ARID1B: variants seen among roughly 807,000 people sequenced by gnomAD.
ARID1B encodes AT-rich interaction domain 1B.
In ARID1B, 30 loss-of-function variants were observed where a neutral mutation model predicts 212.3. The ratio of observed to expected loss-of-function variants is 0.14; its 90% CI spans 0.11 to 0.19. The LOEUF (loss-of-function observed/expected upper bound fraction) is 0.19, where lower values mean the gene tolerates loss of function less well. Ranked by LOEUF, ARID1B falls within the 10% of genes least tolerant of loss-of-function variation. The pLI, the probability that ARID1B is intolerant of heterozygous loss-of-function variation, is 1.00. For missense variants in ARID1B, 2,891 were observed against 3,204.0 expected (o/e 0.90, Z 2.36); for synonymous variants, 1,402 against 1,301.7 (o/e 1.08, Z -1.66).
chr6:157,205,015 A>C (rs2128387844), intron 19 of ARID1B: 1 of 152,386 alleles, frequency 6.6e-6, no homozygotes, highest in South Asian at 2.1e-4. Context: ...ACAGAAAATA[A>C]GTATTTAAAA....
At chr6:157,108,766 A>C (rs1359923113) in intron 5 of ARID1B, among the ~76,000 whole-genome samples, 1 of 152,242 alleles carries the variant, frequency 6.6e-6, no homozygotes, top group Admixed American at 6.5e-5. Context: ...ATGGATACTT[A>C]ACGAAGTCTA....
intron 4 of ARID1B, among the ~76,000 whole-genome samples, chr6:157,068,941 A>G (rs1051143091): frequency 5.3e-5 from 8 of 152,226 alleles, no homozygotes; most frequent in Non-Finnish European, 1.0e-4. Flanking sequence ...TCACATTTCG[A>G]AAACACAGAA....
chr6:156,990,534 G>A (rs565682818), intron 4 of ARID1B, among the ~76,000 whole-genome samples: 13 of 152,172 alleles, frequency 8.5e-5, no homozygotes, highest in Admixed American at 1.3e-4. Flanking sequence ...CCAGCCACTC[G>A]GGAGGCTGAG....
At chr6:156,821,167 A>T (rs1056016849) in intron 1 of ARID1B, among the ~76,000 whole-genome samples, 1 of 152,228 alleles carries the variant, frequency 6.6e-6, no homozygotes, top group African/African-American at 2.4e-5. Flanking sequence ...AAATGCAAAC[A>T]AGCGGAGATA....
At chr6:156,792,680 G>A (rs1485387084) in intron 1 of ARID1B, among the ~76,000 whole-genome samples, 1 of 152,112 alleles carries the variant, frequency 6.6e-6, no homozygotes, top group Non-Finnish European at 1.5e-5. Flanking sequence ...CAAAAGGAGG[G>A]GTGCTTAGGG....
intron 2 of ARID1B, among the ~76,000 whole-genome samples, chr6:156,852,983 A>T (rs1030506920): frequency 6.6e-6 from 1 of 152,208 alleles, no homozygotes; most frequent in Non-Finnish European, 1.5e-5. Flanking sequence ...TATAATGCTG[A>T]TAGGGATAAT....
chr6:156,999,738 C>T (rs538374103), intron 4 of ARID1B, among the ~76,000 whole-genome samples: 7 of 152,338 alleles, frequency 4.6e-5, no homozygotes, highest in Non-Finnish European at 5.9e-5. Context: ...TGCCAGCACA[C>T]TTTGAGGCAC....
chr6:156,948,539 A>G (rs888419045), intron 4 of ARID1B, among the ~76,000 whole-genome samples: 1 of 152,190 alleles, frequency 6.6e-6, no homozygotes, highest in Non-Finnish European at 1.5e-5. Context: ...CACAGTGCCC[A>G]GCCCCATAGT....
At chr6:156,799,430 T>A (rs1780621977) in intron 1 of ARID1B, among the ~76,000 whole-genome samples, 1 of 152,180 alleles carries the variant, frequency 6.6e-6, no homozygotes, top group African/African-American at 2.4e-5. Context: ...TTGTGAAAGG[T>A]GGCGTTATGA....
At chr6:157,007,663 A>G (rs1438536838) in intron 4 of ARID1B, among the ~76,000 whole-genome samples, 1 of 152,118 alleles carries the variant, frequency 6.6e-6, no homozygotes, top group Non-Finnish European at 1.5e-5. Context: ...AAATTTGTGG[A>G]ACATCAGTGT....
chr6:156,829,207 C>A lies in ARID1B; in HGVS notation c.1792-20C>A. The A allele has an allele frequency of 6.3e-7, 1 of 1,575,906 alleles. No homozygotes were observed. On this transcript the variant is annotated intron_variant, in intron 1 of 19. Coordinates refer to ENST00000636930, the MANE Select transcript of ARID1B (RefSeq NM_001374828.1). ...AATAAAGAATGAATTAATAAACCGA[C>A]TTCTTTTATGTCTTCACAGGGCAGC...
intron 2 of ARID1B, among the ~76,000 whole-genome samples, chr6:156,882,991 G>A (rs1787219828): frequency 1.3e-5 from 2 of 152,150 alleles, no homozygotes; most frequent in African/African-American, 4.8e-5. Context: ...CGAAAAGAGG[G>A]AGAGTTCGCT....
chr6:156,791,801 A>G (rs1780028244), intron 1 of ARID1B, among the ~76,000 whole-genome samples: 1 of 152,198 alleles, frequency 6.6e-6, no homozygotes, highest in African/African-American at 2.4e-5. Flanking sequence ...ACAGATGGAG[A>G]TAGAGAGATA....
At chr6:157,085,403 A>G (rs1256876806) in intron 5 of ARID1B, among the ~76,000 whole-genome samples, 3 of 152,224 alleles carry the variant, frequency 2.0e-5, no homozygotes, top group Admixed American at 2.0e-4. Flanking sequence ...TCTTACTGAT[A>G]CAAACTCGTG....
chr6:156,928,578 T>C (rs1791434509), intron 3 of ARID1B, among the ~76,000 whole-genome samples: 1 of 152,084 alleles, frequency 6.6e-6, no homozygotes, highest in Admixed American at 6.6e-5. Flanking sequence ...GATTTGGGAA[T>C]CACCACCAAG....
At chr6:157,110,880 CTCAACTAGGGTA>C in intron 6 of ARID1B, 1 of 380,200 alleles carries the variant, frequency 2.6e-6, no homozygotes, top group Non-Finnish European at 4.9e-6. Context: ...CTGTGAATGA[CTCAACTAGGGTA>C]TCAGTCCCAA....
chr6:157,123,387 A>T (rs1466473610), intron 6 of ARID1B, among the ~76,000 whole-genome samples: 1 of 152,124 alleles, frequency 6.6e-6, no homozygotes, highest in African/African-American at 2.4e-5. Context: ...TTCTGAGCCA[A>T]ATAACATGGT....
chr6:157,202,104 C>A (rs1794154185), intron 18 of ARID1B, among the ~76,000 whole-genome samples: 1 of 152,166 alleles, frequency 6.6e-6, no homozygotes, highest in Non-Finnish European at 1.5e-5. Flanking sequence ...AAAGAATATG[C>A]TATGCTGTGA....
chr6:157,172,804 T>C (rs1791810634), intron 9 of ARID1B: 1 of 144,278 alleles, frequency 6.9e-6, no homozygotes, highest in Non-Finnish European at 1.5e-5. Flanking sequence ...TTTTTAAAGC[T>C]TTTTTTTTTT....
Sources: gnomAD v4.1 joint callset for allele counts (sites outside exome capture counted in the v4.1 genomes callset) on GRCh38, gnomAD v4.1.1 for gene constraint, MANE v1.5 for transcripts, NCBI Gene and HGNC (gene_info 2026-07-23, HGNC 2026-07-21) for gene names.